The following UPF2 variants were observed in gnomAD, a reference collection of about 807,000 sequenced individuals.
UPF2 encodes UPF2 regulator of nonsense mediated mRNA decay.
UPF2 carries 17 observed loss-of-function variants against 141.4 expected under a neutral mutation model. The ratio of observed to expected loss-of-function variants is 0.12; its 90% confidence interval spans 0.08 to 0.18. UPF2 has a LOEUF of 0.18. Ranked by LOEUF, UPF2 falls within the 10% of genes least tolerant of loss-of-function variation. The probability of loss-of-function intolerance (pLI) is 1.00; values close to 1 mark genes in which losing one functional copy is unlikely to be tolerated. For missense variants in UPF2, 1,152 were observed against 1,515.9 expected, an observed-to-expected ratio of 0.76 and a Z score of 3.99; for synonymous variants, 540 against 498.0, an observed-to-expected ratio of 1.08 and a Z score of -1.12.
At chr10:12,041,385 C>T (rs915681952) in intron 1 of UPF2, among the ~76,000 whole-genome samples, 4 of 152,166 alleles carry the variant, frequency 2.6e-5, no homozygotes, top group Non-Finnish European at 5.9e-5. Flanking sequence ...TTTAAAACCA[C>T]CTTCCTAGCT....
intron 3 of UPF2, among the ~76,000 whole-genome samples, chr10:12,015,485 T>C (rs1302081388): frequency 2.0e-5 from 3 of 152,170 alleles, no homozygotes; most frequent in Non-Finnish European, 4.4e-5. Flanking sequence ...GCGGATCACC[T>C]GAGGTCAGGA....
intron 11 of UPF2, among the ~76,000 whole-genome samples, chr10:11,963,364 G>T (rs1287293399): frequency 1.4e-5 from 2 of 142,742 alleles, no homozygotes; most frequent in Admixed American, 6.9e-5. Flanking sequence ...TCGAGACAGG[G>T]TCTCATTCTG....
chr10:12,042,028 C>A lies in UPF2; in HGVS notation c.-19+727G>T, dbSNP rs1269577860. ...GTCCTAGCAAGAAGAGAGTGCTTGG[C>A]GCCTTGAAGAGGTGAAGGTAAAGTG... On this transcript the variant is annotated intron_variant, in intron 1 of 21. Transcript: ENST00000357604. This position sits in a 1 kb window ranked among gnomAD's most constrained non-coding sequence, Gnocchi z 5.5. Among the ~76,000 whole-genome samples, 1 of 152,078 alleles carries A rather than the reference C, an allele frequency of 6.6e-6. No individual in the cohort carries two copies. The highest frequency in any genetic ancestry group is 1.5e-5 in the Non-Finnish European group (1 of 68,020).
intron 6 of UPF2, among the ~76,000 whole-genome samples, chr10:12,000,360 G>A (rs1330775139): frequency 6.6e-6 from 1 of 152,188 alleles, no homozygotes; most frequent in African/African-American, 2.4e-5. Flanking sequence ...TGCCTTTGAA[G>A]AACTAAGCCT....
At chr10:12,013,312 T>C (rs1834164205) in intron 4 of UPF2, among the ~76,000 whole-genome samples, 2 of 149,174 alleles carry the variant, frequency 1.3e-5, no homozygotes. Flanking sequence ...GGTCTCACTC[T>C]GTCATCCAGG....
intron 3 of UPF2, among the ~76,000 whole-genome samples, chr10:12,018,387 C>T (rs1249617626): frequency 6.6e-6 from 1 of 152,050 alleles, no homozygotes; most frequent in Non-Finnish European, 1.5e-5. Context: ...TCAAGATCAC[C>T]CTGACCAACA....
intron 3 of UPF2, among the ~76,000 whole-genome samples, chr10:12,021,287 T>A (rs1834312900): frequency 6.6e-6 from 1 of 150,832 alleles, no homozygotes; most frequent in South Asian, 2.1e-4. Context: ...CTCAGCACTT[T>A]GGGAGGCCAA....
At position 12,041,665 on chromosome 10, in the gene UPF2, G is replaced by A. The variant is rs1005281047; in HGVS notation, c.-19+1090C>T. On this transcript the variant is annotated intron_variant, in intron 1 of 21. Transcript: ENST00000357604. ...ACCTTTCAATTCTCTTATTCAAAAT[G>A]CTGTCAGGACAGAACAGCACAGGAA... is the stretch of plus-strand genomic sequence containing the variant. 3.9e-5 allele frequency among the ~76,000 whole-genome samples: 6 copies of A among 152,248 alleles called. 1 individual carries two copies. The highest frequency in any genetic ancestry group is 6.5e-5 in the Admixed American group (1 of 15,284).
rs188860678 is a variant in UPF2 at position 11,923,540 on chromosome 10, G to A, written c.3810-2233C>T. 2.7e-4 allele frequency among the ~76,000 whole-genome samples: 41 copies of A among 152,278 alleles called. 1 individual carries two copies. In the East Asian group the frequency reaches 3.1e-3, roughly 11 times the overall value. The stretch of plus-strand genomic sequence containing the variant: ...TACTAGAAATACAAAAATTAGCCAG[G>A]TGTGGTGGCAGGTGCCTGTAATCCC... On this transcript the variant is annotated intron_variant, in intron 21 of 21. Transcript: ENST00000357604.
intron 9 of UPF2, among the ~76,000 whole-genome samples, chr10:11,970,354 T>C (rs1184146893): frequency 6.6e-6 from 1 of 151,540 alleles, no homozygotes; most frequent in Non-Finnish European, 1.5e-5. Flanking sequence ...GAAAAAAAGG[T>C]AAAAATAAAA....
At chr10:11,955,832 C>G (rs1833139882) in intron 13 of UPF2, among the ~76,000 whole-genome samples, 1 of 152,090 alleles carries the variant, frequency 6.6e-6, no homozygotes, top group African/African-American at 2.4e-5. Flanking sequence ...AACAATAAAT[C>G]TGGGTTTTAC....
rs1472248571 is a variant in UPF2 at position 12,016,788 on chromosome 10, C to T, written c.1146-2604G>A. Among the ~76,000 whole-genome samples, 2 of 151,664 alleles carry T rather than the reference C, an allele frequency of 1.3e-5. No homozygotes were observed. The highest frequency in any genetic ancestry group is 3.9e-4 in the East Asian group (2 of 5,168). The stretch of plus-strand genomic sequence containing the variant: ...CTATAATCCCAGCACTTTGGGAGGC[C>T]GAGGCAGGCGGATCACCTGAGGTGA... On this transcript the variant is annotated intron_variant, in intron 3 of 21. Transcript: ENST00000357604. The surrounding 1 kb of genome is among the most constrained non-coding windows in gnomAD (Gnocchi z 4.1).
intron 21 of UPF2, among the ~76,000 whole-genome samples, chr10:11,922,312 T>A (rs1230477581): frequency 6.6e-6 from 1 of 152,244 alleles, no homozygotes; most frequent in Non-Finnish European, 1.5e-5. Flanking sequence ...ATGAACAGTT[T>A]GTTTCTTACA....
At position 11,956,666 on chromosome 10, in the gene UPF2, T is replaced by C. The variant is rs1016796442; in HGVS notation, c.2371-143A>G. 1.7e-5 allele frequency: 12 copies of C among 712,394 alleles called. No individual in the cohort carries two copies. The East Asian group carries it at 2.7e-4, about 16-fold the overall frequency. The allele number at this position is 712,394 out of a possible 1,614,324, so 44.1% of individuals were successfully genotyped here. On this transcript the variant is annotated intron_variant, in intron 12 of 21. Coordinates refer to ENST00000357604, the MANE Select transcript of UPF2 (RefSeq NM_015542.4). The surrounding 1 kb of genome is among the most constrained non-coding windows in gnomAD (Gnocchi z 4.2). ...AATCCTCTATCGGCCTCTTCAGAAA[T>C]AGAAAAACTGAGACTTTCTAATTAC...
Position 11,948,379 on chromosome 10 carries a change from G to A in UPF2, c.3164C>T (p.Pro1055Leu). ...QSGNESEVNEPEEEEGSDNDD... is the reference protein window; with the variant it reads ...QSGNESEVNELEEEEGSDNDD... ...TATAAAAGTCATCACCTCTTCTTCTGGCTCATTTACTTCACTTTCATTTCC... is the reference window on the plus strand; with the variant it reads ...TATAAAAGTCATCACCTCTTCTTCTAGCTCATTTACTTCACTTTCATTTCC... Residue 1055 changes from proline (P) to leucine (L), a missense_variant, in exon 16 of 22, where the codon CCA becomes CTA. This residue lies in a region of UPF2 where 202 missense variants were observed against 223.6 expected (regional missense o/e 0.90). Coordinates refer to ENST00000357604, the MANE Select transcript of UPF2 (RefSeq NM_015542.4). 6.3e-7 allele frequency: 1 copy of A among 1,586,056 alleles called. No homozygotes were observed. Among genetic ancestry groups the A allele is most frequent in the Non-Finnish European group, 8.6e-7 (1 of 1,164,148 alleles).
chr10:11,929,233 C>T (rs1689280405), intron 21 of UPF2, among the ~76,000 whole-genome samples: 2 of 152,136 alleles, frequency 1.3e-5, no homozygotes, highest in African/African-American at 2.4e-5. Flanking sequence ...TTGTAAACAT[C>T]GATATTAATT....
In UPF2 at chr10:12,029,519, T is replaced by G; in HGVS notation, c.371A>C (p.Lys124Thr). 1 of 1,577,406 alleles carries G rather than the reference T, an allele frequency of 6.3e-7. No homozygotes were observed. The highest frequency in any genetic ancestry group is 8.6e-7 in the Non-Finnish European group (1 of 1,169,154). The stretch of plus-strand genomic sequence containing the variant: ...CTGATGAAGCTGAATGGATTCTTCT[T>G]TTTCTCTATATAAAAACAAACAAAT... ...EEEAAAQMKE[K>T]EESIQLHQEA... The change falls in exon 3 of 22, where the codon AAA becomes ACA. Residue 124 changes from lysine to threonine, a missense_variant. Transcript: ENST00000357604.
chr10:11,962,971 T>C (rs1833263456), intron 11 of UPF2, among the ~76,000 whole-genome samples: 1 of 151,518 alleles, frequency 6.6e-6, no homozygotes, highest in Non-Finnish European at 1.5e-5. Flanking sequence ...TCATAATGTA[T>C]TTTTTTTTAA....
intron 3 of UPF2, among the ~76,000 whole-genome samples, chr10:12,025,620 G>A (rs2131302763): frequency 1.3e-5 from 2 of 152,256 alleles, no homozygotes; most frequent in Middle Eastern, 6.8e-3. Context: ...CACTATGTAA[G>A]TAAACTTCTC....
Sources: allele counts gnomAD v4.1 joint callset (sites outside exome capture counted in the v4.1 genomes callset), GRCh38; gene constraint gnomAD v4.1.1; regional missense constraint gnomAD v4.1.1; non-coding constraint Gnocchi (gnomAD v3.1); transcripts MANE v1.5; gene names NCBI Gene and HGNC (gene_info 2026-07-23, HGNC 2026-07-21).